IL4I1: variants seen among roughly 807,000 people sequenced by gnomAD.
IL4I1 encodes the protein interleukin 4 induced 1, also known as L-amino-acid oxidase.
In IL4I1, 24 loss-of-function variants were observed where a neutral mutation model predicts 29.7. The observed-to-expected ratio is 0.81, with a 90% CI of 0.59 to 1.14. IL4I1 has a LOEUF of 1.14. Ranked by LOEUF, IL4I1 falls within the 50% of genes most tolerant of loss-of-function variation. The probability of loss-of-function intolerance (pLI) is 0.00; values close to 1 mark genes in which losing one functional copy is unlikely to be tolerated. For synonymous variants in IL4I1, 371 were observed against 352.5 expected, an observed-to-expected ratio of 1.05 and a Z score of -0.59; for missense variants, 686 against 785.6, an observed-to-expected ratio of 0.87 and a Z score of 1.52.
upstream of IL4I1, chr19:49,897,075 C>T (rs532261638): frequency 5.9e-6 from 1 of 169,290 alleles, no homozygotes; most frequent in Non-Finnish European, 1.2e-5. Context: ...CCTTTTGCCC[C>T]AGATAGTTCT....
In IL4I1 at chr19:49,891,464, C is replaced by G. The variant is rs749115352; in HGVS notation, c.577G>C (p.Asp193His). The part of the protein sequence containing the change: ...YQMALNQALK[D>H]LKALGCRKAM... Reference sequence around the variant, plus strand: ...TTTCTGCAGCCCAGTGCCTTGAGGTCTTTGAGGGCCTGTTGTGGAAGAAGC... The same window carrying G: ...TTTCTGCAGCCCAGTGCCTTGAGGTGTTTGAGGGCCTGTTGTGGAAGAAGC... Residue 193 changes from aspartate to histidine, a missense_variant, in exon 6 of 8, where the codon GAC becomes CAC. By Grantham distance (81) the Asp-to-His change is moderately conservative (BLOSUM62 -1). Transcript: ENST00000391826. The G allele has an allele frequency of 5.0e-6, 8 of 1,614,106 alleles. No homozygotes were observed. Among genetic ancestry groups the G allele is most frequent in the Non-Finnish European group, 5.9e-6 (7 of 1,179,996 alleles).
At chr19:49,896,630 C>T (rs754508291) in intron 1 of IL4I1, among the ~76,000 whole-genome samples, 3 of 152,056 alleles carry the variant, frequency 2.0e-5, no homozygotes, top group Non-Finnish European at 4.4e-5. Flanking sequence ...GACGGGGTTT[C>T]GCCATGTTGG....
intron 2 of IL4I1, chr19:49,908,083 A>G: frequency 6.9e-7 from 1 of 1,453,056 alleles, no homozygotes; most frequent in African/African-American, 1.4e-5. Flanking sequence ...TCCTAAATGG[A>G]AAAACGCAAA....
chr19:49,923,421 G>A (rs1369594413), intron 2 of IL4I1, among the ~76,000 whole-genome samples: 1 of 152,222 alleles, frequency 6.6e-6, no homozygotes, highest in Non-Finnish European at 1.5e-5. Context: ...TGTGGGGAAC[G>A]TTTCTGGGAA....
intron 2 of IL4I1, chr19:49,907,429 C>T (rs754991983): frequency 4.9e-6 from 2 of 408,100 alleles, no homozygotes; most frequent in Non-Finnish European, 9.4e-6. Context: ...TTCTTGATCC[C>T]GCTCTGTTCT....
chr19:49,893,200 G>A (rs900758390), intron 5 of IL4I1, among the ~76,000 whole-genome samples: 1 of 152,100 alleles, frequency 6.6e-6, no homozygotes, highest in African/African-American at 2.4e-5. Flanking sequence ...TGGGGGCTGT[G>A]AGCAGCATCA....
intron 2 of IL4I1, among the ~76,000 whole-genome samples, chr19:49,912,230 C>T (rs2075485615): frequency 7.3e-6 from 1 of 137,736 alleles, no homozygotes; most frequent in Non-Finnish European, 1.5e-5. Context: ...AGTGGAATGG[C>T]ATGATCTCGG....
At position 49,889,866 on chromosome 19, in the gene IL4I1, T is replaced by C. The variant is rs201460063; in HGVS notation, c.1508A>G (p.Lys503Arg). 8.8e-6 allele frequency: 14 copies of C among 1,596,860 alleles called. No homozygotes were observed. The East Asian group carries it at 2.7e-4, about 31-fold the overall frequency. Residue 503 changes from lysine (K) to arginine (R), a missense_variant, in exon 8 of 8, where the codon AAG becomes AGG. Lys to Arg is a conservative substitution (Grantham distance 26, BLOSUM62 2). Coordinates refer to ENST00000391826, the MANE Select transcript of IL4I1 (RefSeq NM_152899.2). ...TGCAGGCCCCTTCCGGCTGTTGATCTTGATGGCGGCGCGCAGCGCCGACTT... is the reference window on the plus strand; with the variant it reads ...TGCAGGCCCCTTCCGGCTGTTGATCCTGATGGCGGCGCGCAGCGCCGACTT... ...AVKSALRAAIKINSRKGPASD... is the reference protein window; with the variant it reads ...AVKSALRAAIRINSRKGPASD...
intron 5 of IL4I1, among the ~76,000 whole-genome samples, chr19:49,894,034 A>G (rs1238173656): frequency 6.7e-6 from 1 of 149,690 alleles, no homozygotes; most frequent in Non-Finnish European, 1.5e-5. Flanking sequence ...GAGATGACCC[A>G]TATGTGTAGA....
At chr19:49,923,184 C>T (rs1183871827) in intron 2 of IL4I1, among the ~76,000 whole-genome samples, 1 of 152,166 alleles carries the variant, frequency 6.6e-6, no homozygotes, top group Non-Finnish European at 1.5e-5. Context: ...CCTGTGCTGT[C>T]TCCCAGCCCC....
intron 2 of IL4I1, among the ~76,000 whole-genome samples, chr19:49,919,654 G>A (rs1050083024): frequency 1.3e-5 from 2 of 152,070 alleles, no homozygotes; most frequent in Admixed American, 1.3e-4. Flanking sequence ...CACTCCCCAG[G>A]CCCAGAAGCT....
chr19:49,897,088 G>A (rs183455007), upstream of IL4I1: 1 of 164,548 alleles, frequency 6.1e-6, no homozygotes, highest in East Asian at 1.9e-4. Context: ...ATAGTTCTGG[G>A]GTGGTTTGGA....
intron 2 of IL4I1, chr19:49,907,997 G>T: frequency 2.6e-6 from 2 of 773,746 alleles, no homozygotes; most frequent in Non-Finnish European, 4.0e-6. Flanking sequence ...GTGAAAAGGG[G>T]CCAAAGATAC....
At chr19:49,918,895 T>TGGGGGGGGGGGGGGGGGGGGGG (rs56129490) in intron 2 of IL4I1, among the ~76,000 whole-genome samples, 1 of 72,344 alleles carries the variant, frequency 1.4e-5, no homozygotes, top group Admixed American at 1.7e-4. Context: ...TTTGGGAGGC[T>TGGGGGGGGGGGGGGGGGGGGGG]GGGGGGGGGG....
chr19:49,890,456 CG>C lies in IL4I1; in HGVS notation c.917del (p.Pro306ArgfsTer5). 1.2e-6 allele frequency: 2 copies of C among 1,611,926 alleles called. No homozygotes were observed. The highest frequency in any genetic ancestry group is 1.1e-5 in the South Asian group (1 of 91,076). On this transcript the variant is annotated frameshift_variant, in exon 8 of 8. Coordinates refer to ENST00000391826, the MANE Select transcript of IL4I1 (RefSeq NM_152899.2). LOFTEE classifies it low-confidence loss of function (END_TRUNC). Reference protein sequence around the residue: ...DVHVQIETSPPARNLKVLKAD... With the variant: ...DVHVQIETSPXARNLKVLKAD... The stretch of plus-strand genomic sequence containing the variant: ...CCTTCAGCACCTTCAGATTCCGCGC[CG>C]GGGGAGAGGTCTCGATCTGCACGTG...
intron 2 of IL4I1, chr19:49,909,763 C>A: frequency 1.2e-6 from 2 of 1,614,128 alleles, no homozygotes; most frequent in South Asian, 1.1e-5. Flanking sequence ...CAAACGTGAA[C>A]CCGCCTGTAG....
At position 49,921,757 on chromosome 19, in the gene IL4I1, C is replaced by T. The variant is rs570702395; in HGVS notation, c.-228+5937G>A. Among the ~76,000 whole-genome samples, 16 of 152,318 alleles carry T rather than the reference C, an allele frequency of 1.1e-4. No homozygotes were observed. In the South Asian group the frequency reaches 2.5e-3, roughly 24 times the overall value. ...ATGGTTCCCCGCCTCTGCCTCTCCC[C>T]GCAGCTCCGACCATGACCATCCATC... On this transcript the variant is annotated intron_variant, in intron 2 of 9. Coordinates refer to the IL4I1 transcript ENST00000341114. This position sits in a 1 kb window ranked among gnomAD's most constrained non-coding sequence, Gnocchi z 5.4.
In IL4I1 at chr19:49,889,759, G is replaced by A. The variant is rs146213447; in HGVS notation, c.1615C>T (p.His539Tyr). 3 of 1,523,380 alleles carry A rather than the reference G, an allele frequency of 2.0e-6. No individual in the cohort carries two copies. Among genetic ancestry groups the A allele is most frequent in the Non-Finnish European group, 2.6e-6 (3 of 1,135,802 alleles). 94.4% of individuals were successfully genotyped at this position (1,523,380 alleles called of 1,614,324 possible). A position where few individuals can be genotyped will look rare whatever the true frequency, so the allele number is the denominator to read the frequency against. ...CTGCCTTCTTCCTTTGCCAGGTCAT[G>A]CGAGGGGCTGCTGGCCACCCCATGC... ...HVHGVASSPSHDLAKEEGSHP... is the reference protein window; with the variant it reads ...HVHGVASSPSYDLAKEEGSHP... The change falls in exon 8 of 8, where the codon CAT (histidine) becomes TAT (tyrosine). Residue 539 changes from histidine to tyrosine, a missense_variant. Transcript: ENST00000391826.
chr19:49,889,823 G>A lies in IL4I1; in HGVS notation c.1551C>T (p.Pro517=), dbSNP rs147658225. The A allele has an allele frequency of 1.1e-4, 179 of 1,560,164 alleles. No individual in the cohort carries two copies. In the African/African-American group the frequency reaches 1.9e-3, roughly 17 times the overall value. The change falls in exon 8 of 8, where the codon CCC becomes CCT. Residue 517 remains proline, a synonymous_variant. Transcript: ENST00000391826. ...CCTCCATGTCAGATGCGTGCCCCTC[G>A]GGGCTGGCCGTGTCCGATGCAGGCC... ...RKGPASDTAS[P]EGHASDMEGQ... is the part of the protein sequence containing the mutation.
Sources: gnomAD v4.1 joint callset for allele counts (sites outside exome capture counted in the v4.1 genomes callset) on GRCh38, gnomAD v4.1.1 for gene constraint, Gnocchi (gnomAD v3.1) non-coding constraint, MANE v1.5 for transcripts, NCBI Gene and HGNC (gene_info 2026-07-23, HGNC 2026-07-21) for gene names.